BRD2: variants seen among roughly 807,000 people sequenced by gnomAD.
BRD2 encodes bromodomain-containing protein 2.
A neutral mutation model predicts 79.1 loss-of-function variants in BRD2; 15 were observed. That is an observed-to-expected ratio of 0.19 (90% CI 0.13 to 0.29). BRD2 has a LOEUF of 0.29. BRD2 is among the 10% of genes least tolerant of loss of function. BRD2 has a pLI of 1.00. For missense variants in BRD2, 1,053 were observed against 991.3 expected, an observed-to-expected ratio of 1.06 and a Z score of -0.84; for synonymous variants, 488 against 358.6, an observed-to-expected ratio of 1.36 and a Z score of -4.08.
In BRD2 at chr6:32,976,289, C is replaced by A. The variant is rs1778741615; in HGVS notation, c.650C>A (p.Ala217Asp). The A allele has an allele frequency of 6.2e-7, 1 of 1,613,056 alleles. No homozygotes were observed. Among genetic ancestry groups the A allele is most frequent in the East Asian group, 2.2e-5 (1 of 44,890 alleles). The change falls in exon 6 of 13, where the codon GCC (alanine) becomes GAC (aspartate). Residue 217 changes from alanine (A) to aspartate (D), a missense_variant. This residue lies in a region of BRD2 where 413 missense variants were observed against 335.1 expected (regional missense o/e 1.23). Transcript: ENST00000374825. ...GTTACCAGTGCCCATCAGGTGCCTG[C>A]CGTCTCTTCTGTGTCACACACAGCC... ...GSVTSAHQVP[A>D]VSSVSHTALY...
chr6:32,971,360 C>T (rs1318264210), intron 1 of BRD2, among the ~76,000 whole-genome samples: 1 of 151,998 alleles, frequency 6.6e-6, no homozygotes, highest in Non-Finnish European at 1.5e-5. Context: ...ATTTGGGAGA[C>T]GTATTTTAGC....
At chr6:32,979,046 TG>T (rs200372857) in intron 10 of BRD2, 28,969 of 119,400 alleles carry the variant, frequency 0.24, 4,013 homozygotes, top group Middle Eastern at 0.31. Context: ...TTTTGTGTTT[TG>T]TTTTTTTTTG....
Position 32,972,678 on chromosome 6 carries a change from G to C in BRD2, c.-221G>C, listed in dbSNP as rs1277662134. ...CAGCTGAGGCCGCCGCCATTTTCTT[G>C]CTGTCCGCCGTCTGCAGAGCGCGCC... On this transcript the variant is annotated 5_prime_UTR_variant, in exon 2 of 13. Transcript: ENST00000374825. 2 of 637,656 alleles carry C rather than the reference G, an allele frequency of 3.1e-6. No individual in the cohort carries two copies. The highest frequency in any genetic ancestry group is 5.4e-6 in the Non-Finnish European group (2 of 369,964). The allele number at this position is 637,656 out of a possible 1,614,324, so 39.5% of individuals were successfully genotyped here.
intron 3 of BRD2, 154 bp from the exon 4 acceptor site, chr6:32,975,230 C>A (rs972515558): frequency 1.6e-6 from 2 of 1,220,052 alleles, no homozygotes; most frequent in Non-Finnish European, 2.3e-6. Flanking sequence ...TTATTTTGTC[C>A]CACAGTTTAA....
rs1429298166 is a variant in BRD2 at position 32,972,891 on chromosome 6, C to T, written c.-8C>T. 1 of 1,614,004 alleles carries T rather than the reference C, an allele frequency of 6.2e-7. No individual in the cohort carries two copies. Among genetic ancestry groups the T allele is most frequent in the Non-Finnish European group, 8.5e-7 (1 of 1,179,970 alleles). ...GGCTGAGGGCAGCGCCGGTTCCTTGCGGTCAAGATGCTGCAAAACGTGACT... is the reference window on the plus strand; with the variant it reads ...GGCTGAGGGCAGCGCCGGTTCCTTGTGGTCAAGATGCTGCAAAACGTGACT... On this transcript the variant is annotated 5_prime_UTR_variant, in exon 2 of 13. Transcript: ENST00000374825.
rs763705615 is a variant in BRD2 at position 32,969,066 on chromosome 6, G to A, written c.-1305+10G>A. 2.1e-6 allele frequency: 1 copy of A among 475,438 alleles called. No individual in the cohort carries two copies. Among genetic ancestry groups the A allele is most frequent in the Non-Finnish European group, 3.8e-6 (1 of 261,350 alleles). 29.5% of individuals were successfully genotyped at this position (475,438 alleles called of 1,614,324 possible). A position where few individuals can be genotyped will look rare whatever the true frequency, so the allele number is the denominator to read the frequency against. ...AGGCTTTAGGATCCAGGTGAGAAGG[G>A]GCCCTTGTGGGGCGGAGATGTCAGT... On this transcript the variant is annotated intron_variant, in intron 1 of 12. Coordinates refer to ENST00000374825, the MANE Select transcript of BRD2 (RefSeq NM_005104.4).
Position 32,980,821 on chromosome 6 carries a change from A to ACC in BRD2, c.*111_*112dup, listed in dbSNP as rs5875429. The ACC allele has an allele frequency of 2.3e-4, 282 of 1,227,110 alleles. No individual in the cohort carries two copies. The highest frequency in any genetic ancestry group is 8.4e-4 in the Middle Eastern group (3 of 3,568). 76.0% of individuals were successfully genotyped at this position (1,227,110 alleles called of 1,614,324 possible). A position where few individuals can be genotyped will look rare whatever the true frequency, so the allele number is the denominator to read the frequency against. On this transcript the variant is annotated 3_prime_UTR_variant, in exon 13 of 13. Transcript: ENST00000374825. ...CTTTGCTGTGACACTTCTTCATCTCACCCCCCCCCGCCCCCCTCTAGGAGA... is the reference window on the plus strand; with the variant it reads ...CTTTGCTGTGACACTTCTTCATCTCACCCCCCCCCCCGCCCCCCTCTAGGAGA...
At chr6:32,976,229 C>T (rs1778729896) in intron 5 of BRD2, 21 bp from the exon 6 acceptor site, 16 of 1,611,180 alleles carry the variant, frequency 9.9e-6, no homozygotes, top group Non-Finnish European at 1.3e-5. Context: ...AATCAAACTA[C>T]ACTTTTTTCC....
rs1369701521 is a variant in BRD2 at position 32,976,559 on chromosome 6, C to T, written c.826-3C>T. The T allele has an allele frequency of 1.3e-6, 2 of 1,590,280 alleles. No individual in the cohort carries two copies. The highest frequency in any genetic ancestry group is 1.7e-6 in the Non-Finnish European group (2 of 1,169,832). On this transcript the variant is annotated splice_polypyrimidine_tract_variant and splice_region_variant and intron_variant, in intron 6 of 12. Coordinates refer to ENST00000374825, the MANE Select transcript of BRD2 (RefSeq NM_005104.4). ...AGGTTCCCTATCTTGTTTCTTTCTG[C>T]AGAAAAAAGGCGTAAAGCGGAAAGC...
chr6:32,978,499 CT>C, intron 10 of BRD2, 111 bp downstream of exon 10: 1 of 1,505,334 alleles, frequency 6.6e-7, no homozygotes, highest in Admixed American at 2.2e-5. Context: ...ATACAATAGG[CT>C]TTGAGCAGTG....
intron 7 of BRD2, 197 bp from the exon 8 acceptor site, chr6:32,977,245 G>T (rs750979578): frequency 1.3e-6 from 2 of 1,537,090 alleles, no homozygotes; most frequent in Non-Finnish European, 1.7e-6. Flanking sequence ...ACTTAGAAAT[G>T]ATTTCTTTTT....
At chr6:32,975,937 G>A (rs1778684856) in intron 4 of BRD2, 94 bp from the exon 5 acceptor site, 2 of 1,398,982 alleles carry the variant, frequency 1.4e-6, no homozygotes, top group Non-Finnish European at 1.9e-6. Context: ...GTATGGTAAT[G>A]GCCTAGGGCC....
chr6:32,975,479 A>C lies in BRD2; in HGVS notation c.429A>C (p.Gln143His), dbSNP rs373853679. Residue 143 changes from glutamine to histidine, a missense_variant, in exon 4 of 13, where the codon CAA becomes CAC. Gln to His is a conservative substitution (Grantham distance 24). This residue lies in a region of BRD2 where 413 missense variants were observed against 335.1 expected (regional missense o/e 1.23). Transcript: ENST00000374825. Reference sequence around the variant, plus strand: ...ATTGGGCTGCTTCAGAGTGTATGCAAGATTTTAATACCATGTTCACCAACT... The same window carrying C: ...ATTGGGCTGCTTCAGAGTGTATGCACGATTTTAATACCATGTTCACCAACT... ...NYYWAASECM[Q>H]DFNTMFTNCY... 1.1e-5 allele frequency: 17 copies of C among 1,612,732 alleles called. No individual in the cohort carries two copies. Among genetic ancestry groups the C allele is most frequent in the Non-Finnish European group, 1.4e-5 (17 of 1,179,874 alleles).
intron 2 of BRD2, 196 bp downstream of exon 2, chr6:32,973,123 A>G: frequency 6.4e-7 from 1 of 1,552,114 alleles, no homozygotes; most frequent in South Asian, 1.2e-5. Flanking sequence ...CGTGGAGGGG[A>G]ATACAGGTTG....
rs1779288374 is a variant in BRD2, at chr6:32,979,772, A to AGAGTATGTTC, written c.1842-56_1842-55insGAGTATGTTC. On this transcript the variant is annotated intron_variant, in intron 10 of 12. Transcript: ENST00000374825. ...GGATCACTGAATTATAACAGTGGGA[A>AGAGTATGTTC]CATACTGGAAGAGGTTAATGAAGCT... is the stretch of plus-strand genomic sequence containing the variant. 9 of 1,549,202 alleles carry AGAGTATGTTC rather than the reference A, an allele frequency of 5.8e-6. No individual in the cohort carries two copies. The South Asian group carries it at 1.1e-4, about 19-fold the overall frequency.
intron 1 of BRD2, among the ~76,000 whole-genome samples, chr6:32,969,878 C>T (rs1777788237): frequency 6.6e-6 from 1 of 152,170 alleles, no homozygotes; most frequent in Admixed American, 6.5e-5. Context: ...CCATCGCCTC[C>T]CTCATCCCCT....
chr6:32,979,727 T>C (rs1779283090), intron 10 of BRD2, 101 bp from the exon 11 acceptor site: 1 of 1,372,234 alleles, frequency 7.3e-7, no homozygotes, highest in Non-Finnish European at 9.8e-7. Flanking sequence ...AAACAGAAGC[T>C]CCACTCTGGG....
rs1290872173 is a variant in BRD2, at chr6:32,972,090, G to C, written c.-809G>C. The C allele has an allele frequency of 1.4e-6, 1 of 693,656 alleles. No homozygotes were observed. 43.0% of individuals were successfully genotyped at this position (693,656 alleles called of 1,614,324 possible). ...AGCTTCTTCACCCGCGTGAGCGAGC[G>C]CGCGCGCGCGGAGGGGGTGGGGAAA... On this transcript the variant is annotated 5_prime_UTR_variant, in exon 2 of 13. Coordinates refer to ENST00000374825, the MANE Select transcript of BRD2 (RefSeq NM_005104.4).
chr6:32,972,576 A>G lies in BRD2; in HGVS notation c.-323A>G. 1 of 495,862 alleles carries G rather than the reference A, an allele frequency of 2.0e-6. No individual in the cohort carries two copies. The highest frequency in any genetic ancestry group is 3.6e-6 in the Non-Finnish European group (1 of 277,720). The allele number at this position is 495,862 out of a possible 1,614,324, so 30.7% of individuals were successfully genotyped here. ...GAAGAGGGAATCCCTGCAGACCAAC[A>G]GCGGGCTATATTGACGACGGTGTCT... On this transcript the variant is annotated 5_prime_UTR_variant, in exon 2 of 13. Coordinates refer to ENST00000374825, the MANE Select transcript of BRD2 (RefSeq NM_005104.4).
Sources: allele counts gnomAD v4.1 joint callset (sites outside exome capture counted in the v4.1 genomes callset), GRCh38; gene constraint gnomAD v4.1.1; regional missense constraint gnomAD v4.1.1; transcripts MANE v1.5; gene names NCBI Gene and HGNC (gene_info 2026-07-23, HGNC 2026-07-21).